Variants in MEMO1 observed in about 807,000 individuals in gnomAD.
MEMO1 encodes mediator of cell motility 1.
A neutral mutation model predicts 45.2 loss-of-function variants in MEMO1; 6 were observed. That is an observed-to-expected ratio of 0.13 (90% CI 0.07 to 0.26). MEMO1 has a LOEUF of 0.26. MEMO1 is among the 10% of genes least tolerant of loss of function. The pLI is 1.00. For missense variants in MEMO1, 184 were observed against 370.5 expected, an observed-to-expected ratio of 0.50 and a Z score of 4.13; for synonymous variants, 78 against 124.3, an observed-to-expected ratio of 0.63 and a Z score of 2.48.
chr2:31,956,515 T>G (rs1043104138), intron 2 of MEMO1, among the ~76,000 whole-genome samples: 3 of 152,230 alleles, frequency 2.0e-5, no homozygotes, highest in Non-Finnish European at 4.4e-5. Context: ...GAGAAGCAGA[T>G]CAAGCCCAGA....
intron 2 of MEMO1, among the ~76,000 whole-genome samples, chr2:32,002,773 C>G (rs1673572449): frequency 6.6e-6 from 1 of 151,994 alleles, no homozygotes; most frequent in Non-Finnish European, 1.5e-5. Flanking sequence ...TTCAAATGGA[C>G]AAAAACTCAA....
At chr2:31,973,434 A>G (rs951326479) in intron 2 of MEMO1, among the ~76,000 whole-genome samples, 1 of 152,020 alleles carries the variant, frequency 6.6e-6, no homozygotes, top group African/African-American at 2.4e-5. Flanking sequence ...AGACTCAGTG[A>G]CAGAGCAAGA....
intron 2 of MEMO1, among the ~76,000 whole-genome samples, chr2:32,003,915 T>C (rs1673720041): frequency 6.6e-6 from 1 of 152,150 alleles, no homozygotes; most frequent in Admixed American, 6.5e-5. Flanking sequence ...TAGCCAAGGA[T>C]GATGGCGCAC....
chr2:31,904,493 C>A (rs1679376734), intron 6 of MEMO1, among the ~76,000 whole-genome samples: 2 of 152,210 alleles, frequency 1.3e-5, no homozygotes, highest in African/African-American at 2.4e-5. Flanking sequence ...TGCAGCCCAC[C>A]TCCACATAAG....
chr2:31,933,345 AAAAATTTATATATAT>A (rs1372361992), intron 3 of MEMO1, among the ~76,000 whole-genome samples: 6 of 34,088 alleles, frequency 1.8e-4, no homozygotes, highest in Admixed American at 1.3e-3. Context: ...AAAAAAAAAA[AAAAATTTATATATAT>A]ATATATATAT....
At chr2:31,909,348 A>G (rs896161005) in intron 6 of MEMO1, among the ~76,000 whole-genome samples, 1 of 152,228 alleles carries the variant, frequency 6.6e-6, no homozygotes, top group African/African-American at 2.4e-5. Flanking sequence ...ATGGTCTTAT[A>G]TTTAGAAAAA....
At chr2:31,968,153 A>C (rs1668855279) in intron 2 of MEMO1, among the ~76,000 whole-genome samples, 1 of 152,202 alleles carries the variant, frequency 6.6e-6, no homozygotes, top group African/African-American at 2.4e-5. Context: ...AGACTCTCCA[A>C]AGGCTGACCC....
chr2:31,986,482 A>T (rs1315119364), intron 2 of MEMO1, among the ~76,000 whole-genome samples: 1 of 152,102 alleles, frequency 6.6e-6, no homozygotes, highest in Non-Finnish European at 1.5e-5. Context: ...AAAAAAAAAT[A>T]ATAATAATAA....
At chr2:31,929,226 C>T (rs1460342049) in intron 4 of MEMO1, among the ~76,000 whole-genome samples, 1 of 151,914 alleles carries the variant, frequency 6.6e-6, no homozygotes, top group East Asian at 1.9e-4. Context: ...TTATTAATTA[C>T]ATTTACTTTT....
intron 2 of MEMO1, among the ~76,000 whole-genome samples, chr2:31,998,953 T>C (rs1291801327): frequency 6.6e-6 from 1 of 152,090 alleles, no homozygotes; most frequent in South Asian, 2.1e-4. Context: ...GCTCCTAACC[T>C]TCCCCCGCCA....
At chr2:31,965,299 A>AGGAGGGAAGGAGGGAAGGAG (rs1668486251) in intron 2 of MEMO1, among the ~76,000 whole-genome samples, 1 of 147,324 alleles carries the variant, frequency 6.8e-6, no homozygotes, top group Admixed American at 6.8e-5. Flanking sequence ...GAAGAAGGGA[A>AGGAGGGAAGGAGGGAAGGAG]GGAGGGAAGG....
intron 2 of MEMO1, among the ~76,000 whole-genome samples, chr2:32,002,144 C>CAAAAAAA (rs1156408005): frequency 5.4e-5 from 3 of 55,694 alleles, no homozygotes; most frequent in Non-Finnish European, 9.6e-5. Flanking sequence ...GACTCTGTCT[C>CAAAAAAA]AAAAAAAAAA....
intron 8 of MEMO1, among the ~76,000 whole-genome samples, chr2:31,875,809 C>G (rs1674470271): frequency 6.6e-6 from 1 of 152,122 alleles, no homozygotes; most frequent in Non-Finnish European, 1.5e-5. Context: ...GCCTCAGCCT[C>G]CCGAGTAGCT....
chr2:31,882,143 CTAAA>C (rs547005443), intron 8 of MEMO1, among the ~76,000 whole-genome samples: 3 of 151,326 alleles, frequency 2.0e-5, no homozygotes, highest in Non-Finnish European at 2.9e-5. Flanking sequence ...GACCTTCTCT[CTAAA>C]TAAATAAATA....
At chr2:32,010,905 G>T (rs1382708917) in intron 1 of MEMO1, 37 bp downstream of exon 1, 1 of 152,388 alleles carries the variant, frequency 6.6e-6, no homozygotes, top group African/African-American at 2.4e-5. Context: ...CCTGAACCGG[G>T]GAAGGCAGAC....
chr2:31,960,864 G>A (rs755206918), intron 2 of MEMO1, among the ~76,000 whole-genome samples: 67 of 152,124 alleles, frequency 4.4e-4, no homozygotes, highest in Non-Finnish European at 5.0e-4. Context: ...AGGATTACAG[G>A]TGTGAGCCAC....
intron 2 of MEMO1, among the ~76,000 whole-genome samples, chr2:31,986,849 T>TA (rs1160679875): frequency 6.6e-6 from 1 of 152,168 alleles, no homozygotes; most frequent in African/African-American, 2.4e-5. Context: ...AAGGCACCTT[T>TA]AAGTACGCGA....
intron 2 of MEMO1, among the ~76,000 whole-genome samples, chr2:31,977,475 T>C (rs970237831): frequency 6.6e-6 from 1 of 152,184 alleles, no homozygotes; most frequent in African/African-American, 2.4e-5. Flanking sequence ...AGAATTTTCT[T>C]AAAATTATCT....
intron 6 of MEMO1, among the ~76,000 whole-genome samples, chr2:31,917,214 A>G (rs773574722): frequency 6.6e-6 from 1 of 152,232 alleles, no homozygotes; most frequent in Admixed American, 6.5e-5. Flanking sequence ...ATGAAATATT[A>G]AGTCCATATA....
Sources: gnomAD v4.1 joint callset for allele counts (sites outside exome capture counted in the v4.1 genomes callset) on GRCh38, gnomAD v4.1.1 for gene constraint, MANE v1.5 for transcripts, NCBI Gene and HGNC (gene_info 2026-07-23, HGNC 2026-07-21) for gene names.